Variants in ARB2A observed in about 807,000 individuals in gnomAD.
ARB2A encodes the protein cotranscriptional regulator ARB2A.
chr5:94,019,591 A>C, the ARB2A span, among the ~76,000 whole-genome samples: 1 of 152,220 alleles, frequency 6.6e-6, no homozygotes, highest in Non-Finnish European at 1.5e-5. Flanking sequence ...ATACCATCTC[A>C]CACCAGTTAG....
the ARB2A span, among the ~76,000 whole-genome samples, chr5:94,100,165 T>C: frequency 6.6e-6 from 1 of 151,902 alleles, no homozygotes; most frequent in African/African-American, 2.4e-5. Flanking sequence ...GAGAGCCAAA[T>C]CAAAATGGCC....
chr5:93,815,764 T>A, the ARB2A span, among the ~76,000 whole-genome samples: 1 of 152,188 alleles, frequency 6.6e-6, no homozygotes, highest in Non-Finnish European at 1.5e-5. Context: ...ATAGGCACTC[T>A]TAAAACCAAT....
the ARB2A span, among the ~76,000 whole-genome samples, chr5:93,975,219 A>C: frequency 6.6e-6 from 1 of 150,504 alleles, no homozygotes; most frequent in Non-Finnish European, 1.5e-5. Flanking sequence ...CCAGAGACTG[A>C]GGCAGGAGAA....
At chr5:93,940,192 A>C in the ARB2A span, among the ~76,000 whole-genome samples, 1 of 152,224 alleles carries the variant, frequency 6.6e-6, no homozygotes, top group African/African-American at 2.4e-5. Context: ...TTATATTTAC[A>C]TTTGGAGTAA....
At chr5:93,853,230 G>C in the ARB2A span, among the ~76,000 whole-genome samples, 2 of 152,136 alleles carry the variant, frequency 1.3e-5, no homozygotes, top group African/African-American at 4.8e-5. Context: ...TTGTGAATGG[G>C]AGTTCACTAA....
At chr5:93,948,402 G>T in the ARB2A span, among the ~76,000 whole-genome samples, 1 of 152,120 alleles carries the variant, frequency 6.6e-6, no homozygotes, top group South Asian at 2.1e-4. Flanking sequence ...GTAGATTCTG[G>T]ATATTAGCCC....
the ARB2A span, among the ~76,000 whole-genome samples, chr5:94,047,940 A>T: frequency 6.6e-6 from 1 of 152,194 alleles, no homozygotes; most frequent in Non-Finnish European, 1.5e-5. Flanking sequence ...AGTCCCATTT[A>T]AAAACAAACA....
At chr5:93,646,359 A>G in the ARB2A span, among the ~76,000 whole-genome samples, 1 of 151,962 alleles carries the variant, frequency 6.6e-6, no homozygotes, top group Non-Finnish European at 1.5e-5. Flanking sequence ...CCTTTTAACT[A>G]TTGAAGTTTT....
At chr5:94,094,736 G>C in the ARB2A span, among the ~76,000 whole-genome samples, 1 of 152,136 alleles carries the variant, frequency 6.6e-6, no homozygotes, top group Non-Finnish European at 1.5e-5. Flanking sequence ...GAGACAGACA[G>C]AACAGTCCAC....
the ARB2A span, among the ~76,000 whole-genome samples, chr5:93,836,667 TTGTATGCATTTG>T: frequency 2.0e-5 from 3 of 152,260 alleles, no homozygotes; most frequent in Non-Finnish European, 4.4e-5. Context: ...TTTTTACAAA[TTGTATGCATTTG>T]TATTTAATGA....
the ARB2A span, among the ~76,000 whole-genome samples, chr5:93,644,397 G>A: frequency 5.3e-5 from 8 of 151,966 alleles, no homozygotes; most frequent in African/African-American, 1.2e-4. Context: ...GTTTTAATAC[G>A]GATAAATATA....
the ARB2A span, among the ~76,000 whole-genome samples, chr5:93,982,344 A>T: frequency 6.6e-6 from 1 of 152,178 alleles, no homozygotes; most frequent in Non-Finnish European, 1.5e-5. Context: ...ATAAATAAAT[A>T]TATATATACT....
the ARB2A span, among the ~76,000 whole-genome samples, chr5:93,663,616 T>G: frequency 6.6e-6 from 1 of 152,064 alleles, no homozygotes; most frequent in Non-Finnish European, 1.5e-5. Flanking sequence ...TCTAAGGGCA[T>G]GTACGACGAT....
At chr5:93,693,863 C>T in the ARB2A span, among the ~76,000 whole-genome samples, 5 of 152,114 alleles carry the variant, frequency 3.3e-5, no homozygotes, top group Non-Finnish European at 7.3e-5. Context: ...CTGCTTCATC[C>T]CTGGGATGTA....
At chr5:93,718,686 T>G in the ARB2A span, among the ~76,000 whole-genome samples, 8 of 152,048 alleles carry the variant, frequency 5.3e-5, no homozygotes, top group Admixed American at 1.3e-4. Context: ...TGTCTAATTG[T>G]AACAACAACA....
At chr5:93,743,483 G>C in the ARB2A span, 1 of 943,984 alleles carries the variant, frequency 1.1e-6, no homozygotes, top group African/African-American at 1.8e-5. Flanking sequence ...GCAATATACA[G>C]AAGTTCATTT....
chr5:93,907,083 CT>C, the ARB2A span, among the ~76,000 whole-genome samples: 1 of 151,390 alleles, frequency 6.6e-6, no homozygotes, highest in Non-Finnish European at 1.5e-5. Flanking sequence ...TGGGATGCTA[CT>C]GTGTATGGTA....
the ARB2A span, among the ~76,000 whole-genome samples, chr5:94,101,225 A>G: frequency 6.6e-6 from 1 of 152,242 alleles, no homozygotes; most frequent in Non-Finnish European, 1.5e-5. Context: ...TGATCATTAG[A>G]GAAATGCAAA....
chr5:94,016,372 G>A, the ARB2A span, among the ~76,000 whole-genome samples: 1 of 152,272 alleles, frequency 6.6e-6, no homozygotes, highest in Non-Finnish European at 1.5e-5. Context: ...TTTGAATACT[G>A]TAGAATAGAG....
Sources: gnomAD v4.1 joint callset for allele counts (sites outside exome capture counted in the v4.1 genomes callset) on GRCh38, gnomAD v4.1.1 for gene constraint, MANE v1.5 for transcripts, NCBI Gene and HGNC (gene_info 2026-07-23, HGNC 2026-07-21) for gene names.